Variants in SORD observed in about 807,000 individuals in gnomAD.
The protein encoded by SORD is sorbitol dehydrogenase, also known as (R,R)-butanediol dehydrogenase.
A neutral mutation model predicts 35.6 loss-of-function variants in SORD; 18 were observed. The observed-to-expected ratio is 0.51, with a 90% CI of 0.35 to 0.75. The LOEUF (loss-of-function observed/expected upper bound fraction) is 0.75. Ranked by LOEUF, SORD falls within the 30% of genes least tolerant of loss-of-function variation. SORD has a pLI of 0.01. For missense variants in SORD, 250 were observed against 390.2 expected (o/e 0.64, Z 3.03); for synonymous variants, 106 against 152.9 (o/e 0.69, Z 2.26).
chr15:45,055,837 A>G (rs1893205846), intron 3 of SORD, among the ~76,000 whole-genome samples: 1 of 152,196 alleles, frequency 6.6e-6, no homozygotes, highest in African/African-American at 2.4e-5. Context: ...GGTTCAATAT[A>G]CGCAAATCAA....
intron 3 of SORD, among the ~76,000 whole-genome samples, chr15:45,053,663 CT>C (rs1595503264): frequency 6.6e-6 from 1 of 151,444 alleles, no homozygotes. Flanking sequence ...TATTATTATA[CT>C]TTAAGTTTTA....
intron 1 of SORD, among the ~76,000 whole-genome samples, chr15:45,027,022 A>G (rs1387271399): frequency 6.6e-6 from 1 of 152,260 alleles, no homozygotes; most frequent in Non-Finnish European, 1.5e-5. Flanking sequence ...TAATTAGTTA[A>G]TGATCACCTT....
chr15:45,042,080 C>T (rs1229658391), intron 2 of SORD, among the ~76,000 whole-genome samples: 1 of 152,162 alleles, frequency 6.6e-6, no homozygotes, highest in African/African-American at 2.4e-5. Flanking sequence ...GTCTCTTTGT[C>T]TTTCTAAGGC....
chr15:45,047,998 C>T (rs1221676361), intron 3 of SORD, among the ~76,000 whole-genome samples: 2 of 152,218 alleles, frequency 1.3e-5, no homozygotes, highest in Non-Finnish European at 2.9e-5. Context: ...TTTCTATTTT[C>T]TGCAAACATG....
intron 3 of SORD, among the ~76,000 whole-genome samples, chr15:45,048,355 G>A (rs1198244209): frequency 6.6e-6 from 1 of 152,170 alleles, no homozygotes; most frequent in Non-Finnish European, 1.5e-5. Flanking sequence ...TAAATATGGA[G>A]CAGAAGACTG....
intron 3 of SORD, among the ~76,000 whole-genome samples, chr15:45,046,432 T>G (rs907776340): frequency 6.6e-5 from 10 of 152,098 alleles, no homozygotes; most frequent in African/African-American, 2.4e-4. Context: ...TAATAGAGAA[T>G]GGGTTTCACT....
At chr15:45,039,816 C>T (rs376264543) in intron 1 of SORD, among the ~76,000 whole-genome samples, 17 of 152,332 alleles carry the variant, frequency 1.1e-4, no homozygotes, top group East Asian at 5.8e-4. Flanking sequence ...CTGTCAGAAA[C>T]GCCTGCATCC....
intron 4 of SORD, among the ~76,000 whole-genome samples, chr15:45,064,958 T>C (rs138577677): frequency 1.3e-3 from 191 of 152,346 alleles, no homozygotes; most frequent in South Asian, 3.1e-3. Flanking sequence ...GGTTCTGTGA[T>C]GAGAACATAT....
intron 1 of SORD, among the ~76,000 whole-genome samples, chr15:45,033,978 G>C (rs1892820637): frequency 6.6e-6 from 1 of 152,092 alleles, no homozygotes; most frequent in South Asian, 2.1e-4. Flanking sequence ...GCTCCATTTT[G>C]GGTTTTTAAT....
intron 1 of SORD, among the ~76,000 whole-genome samples, chr15:45,036,015 C>T (rs1305154006): frequency 4.6e-5 from 7 of 151,844 alleles, no homozygotes; most frequent in African/African-American, 1.7e-4. Flanking sequence ...GACCACGAAC[C>T]CACCGGGAGG....
intron 3 of SORD, among the ~76,000 whole-genome samples, chr15:45,055,258 G>A (rs926315006): frequency 5.3e-5 from 8 of 151,566 alleles, no homozygotes; most frequent in African/African-American, 1.9e-4. Flanking sequence ...GACTAATAAG[G>A]AAAAAAAGAG....
chr15:45,031,131 G>A (rs1006605752), intron 1 of SORD, among the ~76,000 whole-genome samples: 7 of 152,142 alleles, frequency 4.6e-5, no homozygotes, highest in Non-Finnish European at 1.0e-4. Flanking sequence ...TTTGAGACCA[G>A]CCTGGGAAAG....
At chr15:45,036,014 C>A (rs1006710933) in intron 1 of SORD, among the ~76,000 whole-genome samples, 2 of 151,834 alleles carry the variant, frequency 1.3e-5, no homozygotes, top group African/African-American at 4.8e-5. Flanking sequence ...AGACCACGAA[C>A]CCACCGGGAG....
At chr15:45,042,468 G>A (rs1892982330) in intron 2 of SORD, 1 of 151,620 alleles carries the variant, frequency 6.6e-6, no homozygotes, top group African/African-American at 2.4e-5. Flanking sequence ...CTACAGTCTG[G>A]GCGACAGAGG....
At chr15:45,059,672 T>A (rs897931456) in intron 3 of SORD, among the ~76,000 whole-genome samples, 1 of 152,172 alleles carries the variant, frequency 6.6e-6, no homozygotes, top group East Asian at 1.9e-4. Context: ...TAAAAAAATT[T>A]TTTTTGTAAA....
In SORD at chr15:45,068,963, G is replaced by A. The variant is rs376874432; in HGVS notation, c.697G>A (p.Ala233Thr). Reference sequence around the variant, plus strand: ...CTCCAAGGAGAGCCCTCAGGAAATCGCCAGGAAAGTAGAAGGTCAGCTGGG... The same window carrying A: ...CTCCAAGGAGAGCCCTCAGGAAATCACCAGGAAAGTAGAAGGTCAGCTGGG... ...QISKESPQEI[A>T]RKVEGQLGCK... Residue 233 changes from alanine to threonine, a missense_variant, in exon 7 of 9, where the codon GCC (alanine) becomes ACC (threonine). This residue lies in a region of SORD where 44 missense variants were observed against 54.5 expected (regional missense o/e 0.81). Coordinates refer to ENST00000267814, the MANE Select transcript of SORD (RefSeq NM_003104.6). 82 of 1,602,698 alleles carry A rather than the reference G, an allele frequency of 5.1e-5. No individual in the cohort carries two copies. The highest frequency in any genetic ancestry group is 1.6e-4 in the Admixed American group (9 of 58,036).
At chr15:45,044,941 G>T (rs909445329) in intron 3 of SORD, among the ~76,000 whole-genome samples, 6 of 151,984 alleles carry the variant, frequency 3.9e-5, no homozygotes, top group African/African-American at 1.5e-4. Context: ...CAAGTGATCT[G>T]CCCACCTTTG....
intron 3 of SORD, among the ~76,000 whole-genome samples, chr15:45,045,096 C>A (rs1402881137): frequency 2.6e-5 from 4 of 152,170 alleles, no homozygotes; most frequent in Non-Finnish European, 4.4e-5. Flanking sequence ...GGGTCACTCA[C>A]TAGTTGGTCT....
intron 3 of SORD, among the ~76,000 whole-genome samples, chr15:45,050,004 T>C (rs1347993597): frequency 6.6e-6 from 1 of 152,244 alleles, no homozygotes; most frequent in Non-Finnish European, 1.5e-5. Context: ...TTGCATAAAG[T>C]ACAGCAAGAA....
Sources: gnomAD v4.1 joint callset for allele counts (sites outside exome capture counted in the v4.1 genomes callset) on GRCh38, gnomAD v4.1.1 for gene constraint, gnomAD v4.1.1 regional missense constraint, MANE v1.5 for transcripts, NCBI Gene and HGNC (gene_info 2026-07-23, HGNC 2026-07-21) for gene names.